CSMD1: variants seen among roughly 807,000 people sequenced by gnomAD.
CSMD1 encodes the protein CUB and Sushi multiple domains 1.
A neutral mutation model predicts 417.5 loss-of-function variants in CSMD1; 213 were observed. The observed-to-expected ratio is 0.51, with a 90% CI of 0.46 to 0.57. The LOEUF is 0.57. CSMD1 is among the 20% of genes least tolerant of loss of function. CSMD1 has a pLI of 0.00. For synonymous variants in CSMD1, 2,862 were observed against 1,736.8 expected, an observed-to-expected ratio of 1.65 and a Z score of -16.11; for missense variants, 6,923 against 4,529.7, an observed-to-expected ratio of 1.53 and a Z score of -15.17.
intron 5 of CSMD1, 60 bp downstream of exon 5, chr8:3,997,843 G>T (rs991644840): frequency 7.1e-7 from 1 of 1,407,810 alleles, no homozygotes; most frequent in Non-Finnish European, 9.7e-7. Context: ...GAAGCTCGTT[G>T]GGGGAAAAAA....
At chr8:4,822,700 G>A (rs761895798) in intron 1 of CSMD1, among the ~76,000 whole-genome samples, 3 of 151,940 alleles carry the variant, frequency 2.0e-5, no homozygotes, top group Non-Finnish European at 2.9e-5. Flanking sequence ...ATACAATGTT[G>A]TCTCTCCTAT....
chr8:4,121,493 C>T (rs944239117), intron 3 of CSMD1, among the ~76,000 whole-genome samples: 3 of 152,056 alleles, frequency 2.0e-5, no homozygotes, highest in African/African-American at 7.2e-5. Context: ...TCCTATTTCT[C>T]ACTATAATAA....
intron 8 of CSMD1, chr8:3,613,157 A>G (rs1801972507): frequency 2.3e-5 from 4 of 177,092 alleles, no homozygotes; most frequent in Middle Eastern, 3.5e-3. Flanking sequence ...AAATTTGACA[A>G]CTTAGATTAA....
At chr8:4,485,428 G>A (rs1384344327) in intron 2 of CSMD1, among the ~76,000 whole-genome samples, 2 of 152,168 alleles carry the variant, frequency 1.3e-5, no homozygotes, top group African/African-American at 4.8e-5. Flanking sequence ...CACAGAGAGA[G>A]GAAGGGCTTC....
intron 5 of CSMD1, among the ~76,000 whole-genome samples, chr8:3,927,161 G>A (rs1042070431): frequency 1.3e-5 from 2 of 151,814 alleles, no homozygotes; most frequent in Non-Finnish European, 2.9e-5. Context: ...TTGTCATAAA[G>A]TTTTGAAGCT....
chr8:4,946,801 C>T (rs989608468), intron 1 of CSMD1, among the ~76,000 whole-genome samples: 5 of 152,162 alleles, frequency 3.3e-5, no homozygotes, highest in Non-Finnish European at 2.9e-5. Flanking sequence ...ATAAATTAGA[C>T]TGTGATTCTA....
At position 3,839,933 on chromosome 8, in the gene CSMD1, A is replaced by G. The variant is rs929182788; in HGVS notation, c.819-85891T>C. Among the ~76,000 whole-genome samples, 7 of 152,034 alleles carry G rather than the reference A, an allele frequency of 4.6e-5. 1 individual carries two copies. Among genetic ancestry groups the G allele is most frequent in the Non-Finnish European group, 7.4e-5 (5 of 68,012 alleles). On this transcript the variant is annotated intron_variant, in intron 5 of 69. Transcript: ENST00000635120. ...AGAAGGAATTCACAGAGATGCAGTGATCTTCTGCTCTGGATATTTGGAGAC... is the reference window on the plus strand; with the variant it reads ...AGAAGGAATTCACAGAGATGCAGTGGTCTTCTGCTCTGGATATTTGGAGAC...
intron 3 of CSMD1, among the ~76,000 whole-genome samples, chr8:4,183,882 G>A (rs989518194): frequency 3.3e-5 from 5 of 152,234 alleles, no homozygotes; most frequent in South Asian, 2.1e-4. Flanking sequence ...TTTAGTTGGG[G>A]CATGTGGACA....
intron 1 of CSMD1, among the ~76,000 whole-genome samples, chr8:4,723,041 A>G (rs1676980): frequency 0.9 from 136,277 of 152,132 alleles, 61,312 homozygotes; most frequent in East Asian, 0.99. Flanking sequence ...ATATCTTGGC[A>G]AAACAGTATT....
At chr8:4,347,793 AAAAT>A (rs1800858395) in intron 3 of CSMD1, among the ~76,000 whole-genome samples, 2 of 152,206 alleles carry the variant, frequency 1.3e-5, no homozygotes, top group African/African-American at 4.8e-5. Context: ...AACTCTAAAT[AAAAT>A]CTATAATCAC....
Position 3,350,748 on chromosome 8 carries a change from A to G in CSMD1, c.3305-2587T>C, listed in dbSNP as rs551206310. The stretch of plus-strand genomic sequence containing the variant: ...TCTCATAATACATAAAAAAGGTGGG[A>G]CAAGAAAGAATAATTGAGCATTTGT... On this transcript the variant is annotated intron_variant, in intron 21 of 69. Transcript: ENST00000635120. 1.8e-4 allele frequency among the ~76,000 whole-genome samples: 28 copies of G among 152,340 alleles called. No homozygotes were observed. In the Middle Eastern group the frequency reaches 0.01, roughly 56 times the overall value.
At chr8:4,393,217 C>G (rs1247341664) in intron 3 of CSMD1, among the ~76,000 whole-genome samples, 1 of 152,006 alleles carries the variant, frequency 6.6e-6, no homozygotes, top group Non-Finnish European at 1.5e-5. Context: ...CTAAATTGAT[C>G]TACCCACATC....
At chr8:3,554,069 G>A (rs998113358) in intron 10 of CSMD1, among the ~76,000 whole-genome samples, 8 of 152,178 alleles carry the variant, frequency 5.3e-5, no homozygotes, top group Non-Finnish European at 8.8e-5. Context: ...GGATGTGTGT[G>A]CTCGTAGCTT....
intron 29 of CSMD1, among the ~76,000 whole-genome samples, chr8:3,215,966 T>C (rs930413264): frequency 6.6e-6 from 1 of 150,386 alleles, no homozygotes; most frequent in African/African-American, 2.4e-5. Context: ...GTATACATTA[T>C]ATAAAGAATC....
chr8:3,630,371 C>T (rs1037683459), intron 7 of CSMD1, among the ~76,000 whole-genome samples: 1 of 152,088 alleles, frequency 6.6e-6, no homozygotes, highest in African/African-American at 2.4e-5. Context: ...AAGCCAAGCC[C>T]TCAGGAAGGA....
intron 3 of CSMD1, among the ~76,000 whole-genome samples, chr8:4,088,706 C>A (rs1008912363): frequency 6.6e-6 from 1 of 152,038 alleles, no homozygotes. Context: ...ATCAGCTCCC[C>A]GACCCCAAAG....
At chr8:4,351,991 C>T (rs986223981) in intron 3 of CSMD1, among the ~76,000 whole-genome samples, 5 of 136,788 alleles carry the variant, frequency 3.7e-5, no homozygotes, top group African/African-American at 1.4e-4. Context: ...TGGCTTGAAA[C>T]ACGGGTATGG....
chr8:4,726,962 C>T (rs1400041034), intron 1 of CSMD1, among the ~76,000 whole-genome samples: 3 of 152,070 alleles, frequency 2.0e-5, no homozygotes, highest in African/African-American at 7.2e-5. Flanking sequence ...AAAAAAAATA[C>T]ATGGATGAGA....
At chr8:3,975,240 G>A (rs533594601) in intron 5 of CSMD1, among the ~76,000 whole-genome samples, 1 of 152,188 alleles carries the variant, frequency 6.6e-6, no homozygotes, top group South Asian at 2.1e-4. Flanking sequence ...GCCATTACTT[G>A]CTTCGTTATT....
Sources: gnomAD v4.1 joint callset for allele counts (sites outside exome capture counted in the v4.1 genomes callset) on GRCh38, gnomAD v4.1.1 for gene constraint, MANE v1.5 for transcripts, NCBI Gene and HGNC (gene_info 2026-07-23, HGNC 2026-07-21) for gene names.